PTPRD: variants seen among roughly 807,000 people sequenced by gnomAD.
PTPRD encodes the protein receptor-type tyrosine-protein phosphatase delta.
In PTPRD, 34 loss-of-function variants were observed where a neutral mutation model predicts 214.5. The ratio of observed to expected loss-of-function variants is 0.16; its 90% confidence interval spans 0.12 to 0.21. The LOEUF is 0.21. PTPRD is among the 10% of genes least tolerant of loss of function. The pLI, the probability that PTPRD is intolerant of heterozygous loss-of-function variation, is 1.00. For synonymous variants in PTPRD, 1,128 were observed against 845.7 expected (o/e 1.33, Z -5.79); for missense variants, 2,545 against 2,398.7 (o/e 1.06, Z -1.27).
At chr9:10,539,889 G>C in intron 2 of PTPRD, among the ~76,000 whole-genome samples, 1 of 152,096 alleles carries the variant, frequency 6.6e-6, no homozygotes, top group East Asian at 1.9e-4. Context: ...GGCCCATCTT[G>C]CGTCTGTGGT....
intron 12 of PTPRD, among the ~76,000 whole-genome samples, chr9:8,658,728 T>C (rs1483798632): frequency 2.6e-5 from 4 of 152,126 alleles, no homozygotes; most frequent in Non-Finnish European, 5.9e-5. Context: ...TTTGTCCTTT[T>C]TTTGTATCTA....
At chr9:9,938,887 A>ATAAG in intron 4 of PTPRD, among the ~76,000 whole-genome samples, 1 of 152,278 alleles carries the variant, frequency 6.6e-6, no homozygotes, top group African/African-American at 2.4e-5. Flanking sequence ...TCCATTTGGT[A>ATAAG]TAAGTAATTG....
intron 5 of PTPRD, among the ~76,000 whole-genome samples, chr9:9,847,241 A>C (rs1179373935): frequency 2.0e-5 from 3 of 152,094 alleles, no homozygotes; most frequent in African/African-American, 7.2e-5. Flanking sequence ...CTATACCCCA[A>C]AAGTGATTAC....
Position 8,799,385 on chromosome 9 carries a change from C to G in PTPRD, c.-103-65439G>C, listed in dbSNP as rs534940553. On this transcript the variant is annotated intron_variant, in intron 11 of 45. Coordinates refer to ENST00000381196, the MANE Select transcript of PTPRD (RefSeq NM_002839.4). Reference sequence around the variant, plus strand: ...TAAAGAGAACTGCCTCAGGGTGACCCCTGAAGTTCTTTGAAGTTTCCCTGC... The same window carrying G: ...TAAAGAGAACTGCCTCAGGGTGACCGCTGAAGTTCTTTGAAGTTTCCCTGC... Among the ~76,000 whole-genome samples, 308 of 152,274 alleles carry G rather than the reference C, an allele frequency of 2.0e-3. 1 individual carries two copies. The highest frequency in any genetic ancestry group is 5.4e-3 in the African/African-American group (226 of 41,566).
chr9:8,541,169 TA>T (rs2078307561), intron 14 of PTPRD, among the ~76,000 whole-genome samples: 1 of 152,180 alleles, frequency 6.6e-6, no homozygotes, highest in Admixed American at 6.5e-5. Flanking sequence ...AATAGTTTTC[TA>T]TTTATATGGC....
chr9:9,862,671 C>T (rs1033812152), intron 5 of PTPRD, among the ~76,000 whole-genome samples: 1 of 149,894 alleles, frequency 6.7e-6, no homozygotes, highest in Non-Finnish European at 1.5e-5. Context: ...TTGAGCTGAG[C>T]TCCCCAAGTT....
intron 9 of PTPRD, among the ~76,000 whole-genome samples, chr9:9,239,591 G>C (rs1010157171): frequency 1.3e-5 from 2 of 152,126 alleles, no homozygotes; most frequent in African/African-American, 4.8e-5. Flanking sequence ...CAGTTGCTGT[G>C]CTCTCCTGAA....
At chr9:9,167,480 C>T (rs1169457732) in intron 10 of PTPRD, among the ~76,000 whole-genome samples, 2 of 151,908 alleles carry the variant, frequency 1.3e-5, no homozygotes, top group African/African-American at 2.4e-5. Context: ...GAGGGCTGGG[C>T]ATGGTGGCTC....
At chr9:9,870,910 T>C (rs144755834) in intron 5 of PTPRD, among the ~76,000 whole-genome samples, 3 of 152,234 alleles carry the variant, frequency 2.0e-5, no homozygotes, top group Middle Eastern at 3.4e-3. Flanking sequence ...CATTCAACTT[T>C]CTGTACATGT....
intron 14 of PTPRD, among the ~76,000 whole-genome samples, chr9:8,540,246 AAGC>A (rs1486045859): frequency 1.3e-5 from 2 of 152,144 alleles, no homozygotes; most frequent in African/African-American, 4.8e-5. Flanking sequence ...AGATATACTC[AAGC>A]ATTGCTTTCC....
chr9:10,433,659 G>C (rs1208147215), intron 2 of PTPRD, among the ~76,000 whole-genome samples: 1 of 151,804 alleles, frequency 6.6e-6, no homozygotes, highest in Non-Finnish European at 1.5e-5. Flanking sequence ...GCAATGGGGA[G>C]GAATACAACA....
At chr9:9,141,885 T>C (rs534092296) in intron 10 of PTPRD, among the ~76,000 whole-genome samples, 59 of 152,170 alleles carry the variant, frequency 3.9e-4, no homozygotes, top group African/African-American at 1.4e-3. Flanking sequence ...ATGGGAATCG[T>C]GGAGGTTTAT....
intron 4 of PTPRD, among the ~76,000 whole-genome samples, chr9:10,010,191 T>C (rs577458960): frequency 5.9e-5 from 9 of 151,972 alleles, no homozygotes; most frequent in African/African-American, 2.2e-4. Context: ...CAACTAGAAA[T>C]TGGAAAAGAA....
chr9:9,762,394 T>C (rs996712102), intron 6 of PTPRD, among the ~76,000 whole-genome samples: 3 of 152,212 alleles, frequency 2.0e-5, no homozygotes, highest in African/African-American at 7.2e-5. Context: ...CTTGCTTTTT[T>C]TGCAATATAA....
intron 14 of PTPRD, among the ~76,000 whole-genome samples, chr9:8,549,954 C>G (rs983266241): frequency 1.3e-5 from 2 of 152,106 alleles, no homozygotes; most frequent in Non-Finnish European, 2.9e-5. Flanking sequence ...CATGAAGCAT[C>G]TGAAAGAAGA....
chr9:9,363,929 G>T (rs1006934032), intron 9 of PTPRD, among the ~76,000 whole-genome samples: 1 of 151,456 alleles, frequency 6.6e-6, no homozygotes, highest in Admixed American at 6.6e-5. Context: ...TTATAAAAAA[G>T]TGTTCATCCT....
intron 4 of PTPRD, among the ~76,000 whole-genome samples, chr9:9,997,530 C>G (rs1054969408): frequency 1.3e-5 from 2 of 152,112 alleles, no homozygotes; most frequent in African/African-American, 4.8e-5. Flanking sequence ...CTCAGGTGGT[C>G]TGCCCACCTC....
At chr9:10,461,890 C>T (rs149566741) in intron 2 of PTPRD, among the ~76,000 whole-genome samples, 2 of 152,044 alleles carry the variant, frequency 1.3e-5, no homozygotes, top group Admixed American at 6.6e-5. Flanking sequence ...CCAAAGTTCT[C>T]GGATTACAGG....
intron 10 of PTPRD, among the ~76,000 whole-genome samples, chr9:9,024,619 GATAA>G (rs2099581233): frequency 6.6e-6 from 1 of 151,556 alleles, no homozygotes; most frequent in South Asian, 2.1e-4. Context: ...TTGCCAATTT[GATAA>G]ATAAAATTAT....
Sources: allele counts gnomAD v4.1 joint callset (sites outside exome capture counted in the v4.1 genomes callset), GRCh38; gene constraint gnomAD v4.1.1; transcripts MANE v1.5; gene names NCBI Gene and HGNC (gene_info 2026-07-23, HGNC 2026-07-21).